The following CPAMD8 variants were observed in gnomAD, a reference collection of about 807,000 sequenced individuals.
CPAMD8 encodes the protein C3 and PZP-like alpha-2-macroglobulin domain-containing protein 8.
CPAMD8 carries 146 observed loss-of-function variants against 224.7 expected under a neutral mutation model. That is an observed-to-expected ratio of 0.65 (90% CI 0.57 to 0.75). The LOEUF is 0.75. Ranked by LOEUF, CPAMD8 falls within the 30% of genes least tolerant of loss-of-function variation. CPAMD8 has a pLI of 0.00. For missense variants in CPAMD8, 2,301 were observed against 2,537.5 expected (o/e 0.91, Z 2.00); for synonymous variants, 966 against 1,044.6 (o/e 0.92, Z 1.45).
intron 27 of CPAMD8, among the ~76,000 whole-genome samples, chr19:16,920,306 C>T (rs545121854): frequency 8.0e-4 from 122 of 151,700 alleles, no homozygotes; most frequent in Middle Eastern, 6.8e-3. Flanking sequence ...GGTGAAACCC[C>T]GTCTCTATTA....
intron 12 of CPAMD8, 70 bp downstream of exon 12, chr19:16,993,346 A>ACCTCC (rs2056018853): frequency 8.0e-6 from 11 of 1,368,048 alleles, no homozygotes; most frequent in Non-Finnish European, 1.0e-5. Context: ...AGGTGCCTGC[A>ACCTCC]CCCAGCCTGG....
chr19:16,909,065 C>T (rs762230973), intron 29 of CPAMD8, among the ~76,000 whole-genome samples: 2 of 152,138 alleles, frequency 1.3e-5, no homozygotes, highest in Admixed American at 6.5e-5. Flanking sequence ...CTGGTTGCCC[C>T]CCAGCTCATC....
chr19:16,992,715 G>A (rs1428845021), intron 12 of CPAMD8, among the ~76,000 whole-genome samples: 5 of 152,120 alleles, frequency 3.3e-5, no homozygotes, highest in South Asian at 2.1e-4. Flanking sequence ...GCCTCCCAAC[G>A]TGCTGGGATT....
Position 16,899,471 on chromosome 19 carries a change from G to A in CPAMD8, c.4848+4C>T. The A allele has an allele frequency of 6.9e-7, 1 of 1,457,000 alleles. No individual in the cohort carries two copies. Among genetic ancestry groups the A allele is most frequent in the South Asian group, 1.1e-5 (1 of 87,980 alleles). 90.3% of individuals were successfully genotyped at this position (1,457,000 alleles called of 1,614,324 possible). On this transcript the variant is annotated splice_donor_region_variant and intron_variant, in intron 37 of 41. Coordinates refer to ENST00000443236, the MANE Select transcript of CPAMD8 (RefSeq NM_015692.5). This position sits in a 1 kb window ranked among gnomAD's most constrained non-coding sequence, Gnocchi z 5.4. ...CCTCCTCCACCAACCCCGGCTGGTG[G>A]TACCTCATCAAAGTAGAAGAGCACT...
At chr19:16,998,415 G>A (rs1323452279) in intron 10 of CPAMD8, among the ~76,000 whole-genome samples, 8 of 152,176 alleles carry the variant, frequency 5.3e-5, no homozygotes, top group East Asian at 1.9e-4. Flanking sequence ...ATCCAAGATC[G>A]TGCCACTGCA....
At chr19:17,008,609 T>G in intron 6 of CPAMD8, 50 bp from the exon 7 acceptor site, 1 of 1,578,760 alleles carries the variant, frequency 6.3e-7, no homozygotes, top group Non-Finnish European at 8.7e-7. Flanking sequence ...CAGGCTAGCC[T>G]AGCATGTGCC....
chr19:16,893,709 C>T, intron 41 of CPAMD8: 1 of 207,754 alleles, frequency 4.8e-6, no homozygotes, highest in Non-Finnish European at 9.6e-6. Context: ...GTCCTCTGGG[C>T]ACGAGGACAT....
At chr19:16,985,704 G>A (rs1053723604) in intron 13 of CPAMD8, among the ~76,000 whole-genome samples, 4 of 151,234 alleles carry the variant, frequency 2.6e-5, no homozygotes, top group Admixed American at 6.6e-5. Context: ...TGGATGGATG[G>A]AGGGAAGATG....
chr19:16,989,271 T>A (rs1284110147), intron 13 of CPAMD8, among the ~76,000 whole-genome samples: 1 of 152,148 alleles, frequency 6.6e-6, no homozygotes, highest in Non-Finnish European at 1.5e-5. Context: ...GGCTGGCTAC[T>A]GCTGCCTTAG....
rs1451800139 is a variant in CPAMD8 at position 17,026,779 on chromosome 19, G to A, written c.-137C>T. 2.6e-6 allele frequency: 3 copies of A among 1,139,034 alleles called. No homozygotes were observed. The highest frequency in any genetic ancestry group is 3.2e-6 in the Non-Finnish European group (3 of 929,780). The allele number at this position is 1,139,034 out of a possible 1,614,324, so 70.6% of individuals were successfully genotyped here. On this transcript the variant is annotated 5_prime_UTR_variant, in exon 1 of 42. Coordinates refer to ENST00000443236, the MANE Select transcript of CPAMD8 (RefSeq NM_015692.5). Reference sequence around the variant, plus strand: ...GCAGCCCCCGCGCAGTGCGCCCGGCGCCATGCGCCCCGCTCCGCGCCCGGC... The same window carrying A: ...GCAGCCCCCGCGCAGTGCGCCCGGCACCATGCGCCCCGCTCCGCGCCCGGC...
At chr19:17,025,336 T>G (rs981478914) in intron 1 of CPAMD8, among the ~76,000 whole-genome samples, 1 of 152,132 alleles carries the variant, frequency 6.6e-6, no homozygotes, top group Non-Finnish European at 1.5e-5. Context: ...CATTTGAACC[T>G]GGGAGGCGGA....
chr19:16,953,293 A>T (rs1422922771), intron 19 of CPAMD8, among the ~76,000 whole-genome samples: 1 of 151,510 alleles, frequency 6.6e-6, no homozygotes, highest in Non-Finnish European at 1.5e-5. Context: ...GCTTCATGAC[A>T]TTGGGTTTGA....
chr19:16,977,657 C>T (rs1871446328), intron 14 of CPAMD8, 117 bp from the exon 15 acceptor site: 2 of 685,256 alleles, frequency 2.9e-6, no homozygotes, highest in African/African-American at 1.8e-5. Flanking sequence ...CGCATTGAGA[C>T]AGTCTGCATC....
chr19:17,014,834 A>G (rs978134540), intron 3 of CPAMD8, among the ~76,000 whole-genome samples: 2 of 152,178 alleles, frequency 1.3e-5, no homozygotes, highest in Non-Finnish European at 2.9e-5. Flanking sequence ...ACCTCCCTCT[A>G]TGTGACCGGT....
At chr19:16,980,832 TTG>T in intron 13 of CPAMD8, 146 bp from the exon 14 acceptor site, 3 of 521,344 alleles carry the variant, frequency 5.8e-6, no homozygotes, top group Non-Finnish European at 9.8e-6. Context: ...CCTAGCTTTT[TTG>T]TTTTTTGTTT....
At chr19:17,016,888 C>CTTTTTTT (rs780842036) in intron 3 of CPAMD8, among the ~76,000 whole-genome samples, 1 of 143,372 alleles carries the variant, frequency 7.0e-6, no homozygotes, top group Non-Finnish European at 1.5e-5. Flanking sequence ...GTTCTAGGGT[C>CTTTTTTT]TTTTTTTTTT....
intron 20 of CPAMD8, among the ~76,000 whole-genome samples, chr19:16,950,260 T>C (rs1403839839): frequency 1.3e-5 from 2 of 152,108 alleles, no homozygotes; most frequent in African/African-American, 4.8e-5. Context: ...ATCACGCCAC[T>C]GCACTCCAGC....
chr19:16,927,963 C>A, intron 25 of CPAMD8, 46 bp downstream of exon 25: 9 of 1,418,688 alleles, frequency 6.3e-6, no homozygotes, highest in Non-Finnish European at 9.0e-6. Flanking sequence ...TCAACTTCGG[C>A]TCTTGCCCCC....
rs16981523 is a variant in CPAMD8, at chr19:16,977,170, C to T, written c.1758+198G>A. ...GCAGAGAATAATTGATGGCTTTCCCCATGTGTTTTGAATGCAATCTCCTTT... is the reference window on the plus strand; with the variant it reads ...GCAGAGAATAATTGATGGCTTTCCCTATGTGTTTTGAATGCAATCTCCTTT... On this transcript the variant is annotated intron_variant, in intron 15 of 41. Coordinates refer to ENST00000443236, the MANE Select transcript of CPAMD8 (RefSeq NM_015692.5). Among the ~76,000 whole-genome samples, 68,350 of 152,006 alleles carry T rather than the reference C, an allele frequency of 0.45. 17,873 individuals carry two copies. The highest frequency in any genetic ancestry group is 0.73 in the African/African-American group (30,251 of 41,442).
Sources: gnomAD v4.1 joint callset for allele counts (sites outside exome capture counted in the v4.1 genomes callset) on GRCh38, gnomAD v4.1.1 for gene constraint, Gnocchi (gnomAD v3.1) non-coding constraint, MANE v1.5 for transcripts, NCBI Gene and HGNC (gene_info 2026-07-23, HGNC 2026-07-21) for gene names.